TF: variants seen among roughly 807,000 people sequenced by gnomAD.
TF encodes transferrin.
Under a neutral mutation model 82.4 loss-of-function variants are expected in TF, and 55 were observed. The observed-to-expected ratio is 0.67, with a 90% CI of 0.54 to 0.84. The LOEUF (loss-of-function observed/expected upper bound fraction) is 0.84. Ranked by LOEUF, TF falls within the 40% of genes least tolerant of loss-of-function variation. The pLI, the probability that TF is intolerant of heterozygous loss-of-function variation, is 0.00. For synonymous variants in TF, 332 were observed against 332.6 expected (o/e 1.00, Z 0.02); for missense variants, 737 against 868.4 (o/e 0.85, Z 1.90).
the TF span, among the ~76,000 whole-genome samples, chr3:133,682,980 G>T: frequency 6.6e-6 from 1 of 152,240 alleles, no homozygotes; most frequent in Admixed American, 6.5e-5. Flanking sequence ...ACAAAGGGAA[G>T]CTCATCAGGC....
chr3:133,774,110 C>T (rs950654635), intron 14 of TF: 9 of 152,136 alleles, frequency 5.9e-5, no homozygotes, highest in African/African-American at 2.2e-4. Flanking sequence ...TATTATTATC[C>T]CTGCCCTGAA....
rs780366779 is a variant in TF, at chr3:133,770,518, G to C, written c.1633G>C (p.Glu545Gln). The stretch of plus-strand genomic sequence containing the variant: ...TCTGGACCTCTGCAGGTGTCTGGTT[G>C]AGAAGGGAGATGTGGCCTTTGTGAA... ...GYTGAFRCLVEKGDVAFVKHQ... is the reference protein window; with the variant it reads ...GYTGAFRCLVQKGDVAFVKHQ... The change falls in exon 14 of 17, where the codon GAG becomes CAG. Residue 545 changes from glutamate (E) to glutamine (Q), a missense_variant. Coordinates refer to ENST00000402696, the MANE Select transcript of TF (RefSeq NM_001063.4). 1 of 1,614,082 alleles carries C rather than the reference G, an allele frequency of 6.2e-7. No homozygotes were observed. The highest frequency in any genetic ancestry group is 1.1e-5 in the South Asian group (1 of 91,070).
intron 14 of TF, 30 bp from the exon 15 acceptor site, chr3:133,775,403 T>G (rs1372335737): frequency 6.2e-7 from 1 of 1,613,674 alleles, no homozygotes; most frequent in South Asian, 1.1e-5. Context: ...ACCAAAGCCA[T>G]CAGCTGAACC....
chr3:133,745,697 C>T (rs148999004), upstream of TF, among the ~76,000 whole-genome samples: 1 of 152,168 alleles, frequency 6.6e-6, no homozygotes, highest in Admixed American at 6.5e-5. Flanking sequence ...GTTCCTGGAA[C>T]CTTCTTGTTG....
At chr3:133,770,413 G>C in intron 13 of TF, 95 bp from the exon 14 acceptor site, 4 of 1,145,920 alleles carry the variant, frequency 3.5e-6, no homozygotes, top group Non-Finnish European at 5.3e-6. Flanking sequence ...GCTGTTTTCA[G>C]ATGGCTGTCC....
At chr3:133,755,197 A>G (rs919650038) in intron 4 of TF, among the ~76,000 whole-genome samples, 166 bp from the exon 5 acceptor site, 5 of 152,310 alleles carry the variant, frequency 3.3e-5, no homozygotes, top group Middle Eastern at 3.4e-3. Flanking sequence ...ACTTGTTCCT[A>G]TTAGAAATCC....
At chr3:133,693,175 G>T in the TF span, among the ~76,000 whole-genome samples, 1 of 152,134 alleles carries the variant, frequency 6.6e-6, no homozygotes, top group Non-Finnish European at 1.5e-5. Context: ...ATCCCTAGTC[G>T]CTTGGCTTGA....
intron 1 of TF, among the ~76,000 whole-genome samples, chr3:133,746,753 C>G: frequency 6.6e-6 from 1 of 152,206 alleles, no homozygotes; most frequent in Non-Finnish European, 1.5e-5. Flanking sequence ...CACGTCTAAC[C>G]AGGTTATCAA....
chr3:133,664,747 G>A, the TF span, among the ~76,000 whole-genome samples: 4 of 151,784 alleles, frequency 2.6e-5, no homozygotes. Flanking sequence ...TTCTACTATG[G>A]CAAATTTTAC....
At chr3:133,733,537 G>C in the TF span, among the ~76,000 whole-genome samples, 2 of 152,152 alleles carry the variant, frequency 1.3e-5, no homozygotes, top group Admixed American at 6.5e-5. Flanking sequence ...CTGTCAGCCT[G>C]GGGGGTCAAG....
the TF span, among the ~76,000 whole-genome samples, chr3:133,665,475 AAAAAAAGAAAAAAG>A: frequency 1.3e-5 from 2 of 151,418 alleles, no homozygotes; most frequent in Non-Finnish European, 2.9e-5. Flanking sequence ...CTCAAAAAAA[AAAAAAAGAAAAAAG>A]AAAAAGAAAA....
the TF span, among the ~76,000 whole-genome samples, chr3:133,689,096 C>T: frequency 2.6e-5 from 4 of 152,210 alleles, no homozygotes; most frequent in African/African-American, 9.6e-5. Context: ...GAGGCCAAGA[C>T]GGGTGGATCA....
intron 10 of TF, among the ~76,000 whole-genome samples, chr3:133,764,514 TA>T (rs1302602908): frequency 6.6e-6 from 1 of 152,206 alleles, no homozygotes; most frequent in Admixed American, 6.5e-5. Context: ...AAGTCCTCAC[TA>T]AAGATGACCC....
chr3:133,773,485 T>TTGTGTGTGTGTG (rs68187578), intron 14 of TF: 2 of 148,888 alleles, frequency 1.3e-5, no homozygotes, highest in African/African-American at 5.0e-5. Flanking sequence ...TTATCACAAT[T>TTGTGTGTGTGTG]TGTGTGTGTG....
At chr3:133,666,514 G>A in the TF span, among the ~76,000 whole-genome samples, 1 of 152,074 alleles carries the variant, frequency 6.6e-6, no homozygotes, top group African/African-American at 2.4e-5. Context: ...TGATATTATC[G>A]CTACAGAAAT....
the TF span, among the ~76,000 whole-genome samples, chr3:133,739,000 A>C: frequency 1.3e-5 from 2 of 152,186 alleles, no homozygotes; most frequent in East Asian, 1.9e-4. Flanking sequence ...GAGCCCGCAT[A>C]GCCAAGACAA....
chr3:133,679,894 C>T, the TF span, among the ~76,000 whole-genome samples: 1 of 152,196 alleles, frequency 6.6e-6, no homozygotes. Context: ...TGCCATTTTA[C>T]ATTCCCACCA....
chr3:133,782,640 T>C lies in TF; in HGVS notation c.*4020T>C, dbSNP rs1349513430. The C allele has an allele frequency of 2.0e-5, 3 of 150,566 alleles. No homozygotes were observed. Among genetic ancestry groups the C allele is most frequent in the Admixed American group, 6.6e-5 (1 of 15,150 alleles). 9.3% of individuals were successfully genotyped at this position (150,566 alleles called of 1,614,324 possible). ...CCTGAGGTGGAGGAGGGTGGAGAGA[T>C]GTAGGTCAGAGGATACAAAGCAGCA... On this transcript the variant is annotated 3_prime_UTR_variant, in exon 17 of 17. Transcript: ENST00000402696.
intron 12 of TF, 47 bp downstream of exon 12, chr3:133,766,480 G>A: frequency 1.2e-6 from 2 of 1,613,008 alleles, no homozygotes; most frequent in African/African-American, 2.7e-5. Flanking sequence ...ATGCCAGAAA[G>A]CAGGGTCCTG....
Sources: allele counts gnomAD v4.1 joint callset (sites outside exome capture counted in the v4.1 genomes callset), GRCh38; gene constraint gnomAD v4.1.1; transcripts MANE v1.5; gene names NCBI Gene and HGNC (gene_info 2026-07-23, HGNC 2026-07-21).